The following NRG1 variants were observed in gnomAD, a reference collection of about 807,000 sequenced individuals.
The protein encoded by NRG1 is neuregulin 1, also known as pro-neuregulin-1, membrane-bound isoform.
A neutral mutation model predicts 63.8 loss-of-function variants in NRG1; 18 were observed. The observed-to-expected ratio is 0.28, with a 90% CI of 0.19 to 0.42. NRG1 has a LOEUF of 0.42. Among genes scored for constraint, NRG1 ranks in the 10% least tolerant of loss-of-function variants. The pLI is 1.00. For missense variants in NRG1, 762 were observed against 814.7 expected (o/e 0.94, Z 0.79); for synonymous variants, 302 against 301.3 (o/e 1.00, Z -0.02).
exon 12 of NRG1, chr8:32,764,514 G>A: frequency 3.0e-6 from 3 of 1,005,698 alleles, no homozygotes; most frequent in Non-Finnish European, 4.0e-6. Flanking sequence ...ATAGAAAACA[G>A]GAAAAAAACT....
chr8:32,433,422 AATTGTGGACTTCTTAGCATGCCTCAGG>A (rs1213982825), intron 1 of NRG1, among the ~76,000 whole-genome samples: 1 of 152,122 alleles, frequency 6.6e-6, no homozygotes, highest in Admixed American at 6.6e-5. Context: ...AAACCGAGCT[AATTGTGGACTTCTTAGCATGCCTCAGG>A]AAATGGGAAG....
At chr8:31,866,967 AT>A (rs61674999) in intron 1 of NRG1, among the ~76,000 whole-genome samples, 22,937 of 152,078 alleles carry the variant, frequency 0.15, 2,057 homozygotes, top group Non-Finnish European at 0.19. Flanking sequence ...ATTTTTAGGG[AT>A]TTTTAAAATA....
chr8:32,252,582 G>A (rs1282014340), intron 1 of NRG1, among the ~76,000 whole-genome samples: 1 of 152,166 alleles, frequency 6.6e-6, no homozygotes, highest in African/African-American at 2.4e-5. Context: ...GTACCATGCT[G>A]TTTGGGTTAC....
chr8:32,025,708 G>C (rs1245428043), intron 1 of NRG1, among the ~76,000 whole-genome samples: 1 of 151,994 alleles, frequency 6.6e-6, no homozygotes, highest in Non-Finnish European at 1.5e-5. Context: ...CGCACTCTGG[G>C]AGGCCGAGGC....
At chr8:31,741,496 T>G (rs923542353) in intron 1 of NRG1, among the ~76,000 whole-genome samples, 1 of 151,700 alleles carries the variant, frequency 6.6e-6, no homozygotes, top group African/African-American at 2.4e-5. Flanking sequence ...AAAGAAACAA[T>G]ATCCAGAATA....
Position 31,684,959 on chromosome 8 carries a change from G to T in NRG1, c.37+45528G>T, listed in dbSNP as rs563768035. On this transcript the variant is annotated intron_variant, in intron 1 of 10. Transcript: ENST00000519301. The stretch of plus-strand genomic sequence containing the variant: ...AGGTGATAGGAGAATATCACAAGGT[G>T]CATGGAGTAATTTCTCAAATTTTGA... 3.9e-5 allele frequency among the ~76,000 whole-genome samples: 6 copies of T among 152,268 alleles called. No individual in the cohort carries two copies. In the East Asian group the frequency reaches 7.7e-4, roughly 20 times the overall value.
At chr8:31,922,927 C>T (rs913795628) in intron 1 of NRG1, among the ~76,000 whole-genome samples, 2 of 152,084 alleles carry the variant, frequency 1.3e-5, no homozygotes, top group Non-Finnish European at 2.9e-5. Context: ...TAGCATAGAG[C>T]TGGGGAAGCA....
intron 1 of NRG1, among the ~76,000 whole-genome samples, chr8:31,839,774 A>C (rs1182141267): frequency 6.6e-6 from 1 of 152,204 alleles, no homozygotes; most frequent in Non-Finnish European, 1.5e-5. Context: ...AAACACTTTC[A>C]GCGTCTTAGC....
intron 1 of NRG1, among the ~76,000 whole-genome samples, chr8:31,912,954 G>C (rs563944393): frequency 6.6e-6 from 1 of 152,240 alleles, no homozygotes; most frequent in South Asian, 2.1e-4. Context: ...TTTGATGATA[G>C]GTAATTTAGC....
chr8:32,129,343 G>A (rs887885193), intron 1 of NRG1, among the ~76,000 whole-genome samples: 1 of 151,860 alleles, frequency 6.6e-6, no homozygotes, highest in African/African-American at 2.4e-5. Context: ...CTTCCTCTCA[G>A]ATTCTACACA....
chr8:32,577,065 A>G lies in NRG1; in HGVS notation c.101-18763A>G, dbSNP rs1006126913. 3.9e-5 allele frequency among the ~76,000 whole-genome samples: 6 copies of G among 152,288 alleles called. No individual in the cohort carries two copies. In the South Asian group the frequency reaches 6.2e-4, roughly 16 times the overall value. On this transcript the variant is annotated intron_variant, in intron 1 of 11. Transcript: ENST00000356819. ...TTAGCTCCTACTTATAAGTGAGAGC[A>G]TGGAGTATTTGGTTTTCTGTTCCTG...
At chr8:32,078,563 G>T (rs1424234961) in intron 1 of NRG1, among the ~76,000 whole-genome samples, 1 of 152,108 alleles carries the variant, frequency 6.6e-6, no homozygotes, top group African/African-American at 2.4e-5. Context: ...ATTGTTCTAG[G>T]GTAGCCCCTG....
intron 1 of NRG1, among the ~76,000 whole-genome samples, chr8:32,409,923 A>G (rs1236935118): frequency 6.6e-6 from 1 of 152,108 alleles, no homozygotes; most frequent in Admixed American, 6.5e-5. Context: ...TCTTCAATGC[A>G]TCTTTCATCT....
chr8:31,737,160 C>T (rs1204883840), intron 1 of NRG1, among the ~76,000 whole-genome samples: 4 of 151,996 alleles, frequency 2.6e-5, no homozygotes, highest in African/African-American at 9.7e-5. Flanking sequence ...TATCTGAGAG[C>T]CTAGAAGTGG....
intron 1 of NRG1, among the ~76,000 whole-genome samples, chr8:32,555,637 G>T (rs567471167): frequency 6.6e-6 from 1 of 152,104 alleles, no homozygotes; most frequent in South Asian, 2.1e-4. Flanking sequence ...ACGCCCGGCT[G>T]ATTTTTTGTA....
chr8:32,152,578 C>T (rs1837624092), intron 1 of NRG1, among the ~76,000 whole-genome samples: 1 of 152,152 alleles, frequency 6.6e-6, no homozygotes, highest in Non-Finnish European at 1.5e-5. Context: ...GTAATTCACA[C>T]ATCAATATAT....
At chr8:32,357,784 G>A (rs567287076) in intron 1 of NRG1, among the ~76,000 whole-genome samples, 6 of 152,310 alleles carry the variant, frequency 3.9e-5, no homozygotes, top group Non-Finnish European at 7.4e-5. Flanking sequence ...GTTGGGAATA[G>A]AAAAATTTAT....
intron 1 of NRG1, among the ~76,000 whole-genome samples, chr8:31,859,929 T>G (rs774355651): frequency 1.8e-4 from 27 of 152,150 alleles, no homozygotes; most frequent in Non-Finnish European, 3.5e-4. Flanking sequence ...ATAAGCCTGC[T>G]TAGTTTTTTT....
intron 1 of NRG1, among the ~76,000 whole-genome samples, chr8:31,932,837 T>C (rs1018600662): frequency 6.6e-6 from 1 of 152,198 alleles, no homozygotes; most frequent in Non-Finnish European, 1.5e-5. Context: ...ACAGTGTGTG[T>C]ATATGTGTGT....
Sources: allele counts gnomAD v4.1 joint callset (sites outside exome capture counted in the v4.1 genomes callset), GRCh38; gene constraint gnomAD v4.1.1; transcripts MANE v1.5; gene names NCBI Gene and HGNC (gene_info 2026-07-23, HGNC 2026-07-21).